SP140: variants seen among roughly 807,000 people sequenced by gnomAD.
The protein encoded by SP140 is nuclear body protein SP140.
In SP140, 81 loss-of-function variants were observed where a neutral mutation model predicts 125.0. The observed-to-expected ratio is 0.65, with a 90% CI of 0.54 to 0.78. SP140 has a LOEUF of 0.78. Ranked by LOEUF, SP140 falls within the 30% of genes least tolerant of loss-of-function variation. The pLI, the probability that SP140 is intolerant of heterozygous loss-of-function variation, is 0.00. For synonymous variants in SP140, 312 were observed against 354.0 expected (o/e 0.88, Z 1.33); for missense variants, 858 against 1,037.0 (o/e 0.83, Z 2.37).
chr2:230,282,662 A>T (rs894709803), intron 15 of SP140, among the ~76,000 whole-genome samples: 1 of 152,162 alleles, frequency 6.6e-6, no homozygotes, highest in Admixed American at 6.5e-5. Context: ...CACACATTTC[A>T]TAAACTGTAA....
intron 4 of SP140, among the ~76,000 whole-genome samples, chr2:230,242,644 ACTC>A (rs1173780247): frequency 1.3e-5 from 2 of 151,866 alleles, no homozygotes; most frequent in Non-Finnish European, 2.9e-5. Flanking sequence ...GTTAGATCGA[ACTC>A]CTCTGCAGCA....
chr2:230,288,192 A>C (rs1325549138), intron 18 of SP140: 2 of 441,558 alleles, frequency 4.5e-6, no homozygotes, highest in Admixed American at 7.9e-5. Context: ...GGGCCACTAA[A>C]GTGCTACTTT....
intron 6 of SP140, 125 bp downstream of exon 6, chr2:230,245,205 TC>T (rs2049256927): frequency 4.7e-6 from 3 of 636,316 alleles, no homozygotes; most frequent in African/African-American, 1.8e-5. Flanking sequence ...GTGGTTGTTT[TC>T]CCCAGGTGTG....
downstream of SP140, among the ~76,000 whole-genome samples, chr2:230,315,997 T>C (rs774324540): frequency 3.9e-5 from 6 of 152,232 alleles, no homozygotes; most frequent in Non-Finnish European, 8.8e-5. Context: ...AGGATGTAGG[T>C]TGAGAAGCAA....
chr2:230,315,176 C>T (rs1444204371), downstream of SP140, among the ~76,000 whole-genome samples: 1 of 152,188 alleles, frequency 6.6e-6, no homozygotes, highest in Non-Finnish European at 1.5e-5. Context: ...AGTCTAGACC[C>T]CTTGCCCAGC....
At position 230,237,441 on chromosome 2, in the gene SP140, G is replaced by T. The variant is rs923155302; in HGVS notation, c.237+181G>T. 1.8e-6 allele frequency: 1 copy of T among 561,574 alleles called. No individual in the cohort carries two copies. 34.8% of individuals were successfully genotyped at this position (561,574 alleles called of 1,614,324 possible). On this transcript the variant is annotated intron_variant, in intron 2 of 26. Coordinates refer to ENST00000392045, the MANE Select transcript of SP140 (RefSeq NM_007237.5). This position sits in a 1 kb window ranked among gnomAD's most constrained non-coding sequence, Gnocchi z 5.4. ...CCTCCCTTCTTCTGTAGTAAATGTT[G>T]GGGGAGGGCCACAGTGAGGGAGGTG...
chr2:230,301,934 A>G (rs752640919), intron 22 of SP140, among the ~76,000 whole-genome samples: 12 of 152,234 alleles, frequency 7.9e-5, no homozygotes, highest in Non-Finnish European at 8.8e-5. Flanking sequence ...AAGGGGTAGA[A>G]AAAGATATGC....
intron 12 of SP140, among the ~76,000 whole-genome samples, chr2:230,259,563 G>A (rs2149282614): frequency 6.6e-6 from 1 of 151,420 alleles, no homozygotes; most frequent in Admixed American, 6.6e-5. Context: ...GTGTGTGCCT[G>A]TAATCCCAGC....
At chr2:230,201,016 A>T, upstream of SP140, 2 of 1,421,226 alleles carry the variant, frequency 1.4e-6, no homozygotes, top group South Asian at 2.3e-5. Context: ...ACCATGGAGA[A>T]TCTCCCAGAG....
chr2:230,193,561 T>C, the SP140 span, among the ~76,000 whole-genome samples: 1 of 152,352 alleles, frequency 6.6e-6, no homozygotes, highest in African/African-American at 2.4e-5. Context: ...TAGTGACAAA[T>C]TCCCTCAGCA....
upstream of SP140, chr2:230,200,683 G>A: frequency 1.6e-6 from 1 of 611,498 alleles, no homozygotes; most frequent in Middle Eastern, 4.4e-4. Flanking sequence ...CATACATATG[G>A]ACACATTACA....
chr2:230,315,140 T>C (rs1337097441), downstream of SP140, among the ~76,000 whole-genome samples: 1 of 152,220 alleles, frequency 6.6e-6, no homozygotes, highest in Non-Finnish European at 1.5e-5. Flanking sequence ...ATGAGCAGAA[T>C]GCTGAGGTCA....
intron 3 of SP140, among the ~76,000 whole-genome samples, chr2:230,218,943 G>A (rs1439605172): frequency 1.3e-5 from 2 of 152,198 alleles, no homozygotes; most frequent in African/African-American, 4.8e-5. Context: ...GCATAAAGAA[G>A]GCCAGGCATG....
intron 22 of SP140, among the ~76,000 whole-genome samples, chr2:230,307,992 C>T (rs6759965): frequency 0.15 from 6,895 of 47,084 alleles, 303 homozygotes; most frequent in East Asian, 0.29. Context: ...TATATATATA[C>T]ACACACACAC....
intron 22 of SP140, among the ~76,000 whole-genome samples, chr2:230,307,990 T>TACATACAC: frequency 1.9e-5 from 1 of 52,638 alleles, no homozygotes; most frequent in Non-Finnish European, 3.7e-5. Flanking sequence ...TATATATATA[T>TACATACAC]ACACACACAC....
chr2:230,299,320 CT>C (rs1417175396), intron 22 of SP140, among the ~76,000 whole-genome samples: 15 of 152,174 alleles, frequency 9.9e-5, no homozygotes, highest in Non-Finnish European at 2.9e-5. Flanking sequence ...ACTGGGGAAC[CT>C]GGAAATCCAG....
At chr2:230,286,946 G>T (rs537358632) in intron 17 of SP140, among the ~76,000 whole-genome samples, 31 of 152,162 alleles carry the variant, frequency 2.0e-4, no homozygotes, top group African/African-American at 7.0e-4. Context: ...GGGCCTACAT[G>T]ACCCTGATCA....
At chr2:230,234,128 C>T (rs879479077) in intron 1 of SP140, among the ~76,000 whole-genome samples, 5 of 152,180 alleles carry the variant, frequency 3.3e-5, no homozygotes, top group Admixed American at 6.5e-5. Flanking sequence ...TCAAATAATT[C>T]GTCCTACACA....
At chr2:230,252,502 C>T (rs1050676265) in intron 10 of SP140, among the ~76,000 whole-genome samples, 3 of 151,838 alleles carry the variant, frequency 2.0e-5, no homozygotes, top group African/African-American at 7.3e-5. Context: ...GAGAGTCCAG[C>T]GGCAAGAGAC....
Sources: allele counts gnomAD v4.1 joint callset (sites outside exome capture counted in the v4.1 genomes callset), GRCh38; gene constraint gnomAD v4.1.1; non-coding constraint Gnocchi (gnomAD v3.1); transcripts MANE v1.5; gene names NCBI Gene and HGNC (gene_info 2026-07-23, HGNC 2026-07-21).